The following CNOT4 variants were observed in gnomAD, a reference collection of about 807,000 sequenced individuals.
CNOT4 encodes CCR4-NOT transcription complex subunit 4, also known as CCR4-associated factor 4.
A neutral mutation model predicts 73.8 loss-of-function variants in CNOT4; 8 were observed. The ratio of observed to expected loss-of-function variants is 0.11; its 90% confidence interval spans 0.06 to 0.20. The LOEUF (loss-of-function observed/expected upper bound fraction) is 0.20, where lower values mean the gene tolerates loss of function less well. Among genes scored for constraint, CNOT4 ranks in the 10% least tolerant of loss-of-function variants. The probability of loss-of-function intolerance (pLI) is 1.00; values close to 1 mark genes in which losing one functional copy is unlikely to be tolerated. For missense variants in CNOT4, 564 were observed against 883.4 expected, an observed-to-expected ratio of 0.64 and a Z score of 4.58; for synonymous variants, 293 against 321.1, an observed-to-expected ratio of 0.91 and a Z score of 0.94.
At chr7:135,444,073 A>G (rs1019945878) in intron 1 of CNOT4, among the ~76,000 whole-genome samples, 2 of 151,916 alleles carry the variant, frequency 1.3e-5, no homozygotes, top group African/African-American at 4.8e-5. Context: ...CAGGAGGGAG[A>G]GGCTGCAGTG....
rs1239786744 is a variant in CNOT4 at position 135,362,594 on chromosome 7, T to C, written c.*291A>G. On this transcript the variant is annotated 3_prime_UTR_variant, in exon 12 of 12. Coordinates refer to ENST00000541284, the MANE Select transcript of CNOT4 (RefSeq NM_001190850.2). ...ATGCGCAACAGACAAACAATAATTT[T>C]CTAAGTATTGAGACTGCCCTTTGAT... 1.5e-5 allele frequency: 8 copies of C among 526,784 alleles called. No individual in the cohort carries two copies. Among genetic ancestry groups the C allele is most frequent in the East Asian group, 1.4e-4 (4 of 28,564 alleles). The allele number at this position is 526,784 out of a possible 1,614,324, so 32.6% of individuals were successfully genotyped here. A position where few individuals can be genotyped will look rare whatever the true frequency, so the allele number is the denominator to read the frequency against.
chr7:135,398,204 A>T lies in CNOT4; in HGVS notation c.844T>A (p.Ser282Thr). 6.5e-7 allele frequency: 1 copy of T among 1,544,882 alleles called. No individual in the cohort carries two copies. The highest frequency in any genetic ancestry group is 1.1e-5 in the South Asian group (1 of 89,204). ...YDTPIDKPSD[S>T]LSIGNGDNSQ... The stretch of plus-strand genomic sequence containing the variant: ...TTATCACCGTTCCCTATACTGAGAG[A>T]ATCTGAAGGTTTGTCAATGGGGCTA... Residue 282 changes from serine (S) to threonine (T), a missense_variant, in exon 8 of 12, where the codon TCT (serine) becomes ACT (threonine). By Grantham distance (58) the Ser-to-Thr change is moderately conservative. Transcript: ENST00000541284.
At chr7:135,413,466 A>G in intron 6 of CNOT4, 22 bp downstream of exon 6, 2 of 1,604,802 alleles carry the variant, frequency 1.2e-6, no homozygotes, top group Non-Finnish European at 8.5e-7. Context: ...TGCAAAGTTG[A>G]TAATTCACAT....
At chr7:135,444,551 A>G in intron 1 of CNOT4, 1 of 1,333,100 alleles carries the variant, frequency 7.5e-7, no homozygotes, top group Non-Finnish European at 1.1e-6. Context: ...ATATCTCAGC[A>G]TTTCTTCAGG....
chr7:135,503,703 TG>T (rs1804157140), intron 1 of CNOT4, among the ~76,000 whole-genome samples: 1 of 152,068 alleles, frequency 6.6e-6, no homozygotes, highest in South Asian at 2.1e-4. Context: ...GTAAGAAAAA[TG>T]TGTGCAGAAA....
intron 1 of CNOT4, among the ~76,000 whole-genome samples, chr7:135,466,936 C>T (rs1801259776): frequency 6.6e-6 from 1 of 152,128 alleles, no homozygotes. Context: ...GACATTCACA[C>T]AACAACAAAA....
intron 1 of CNOT4, among the ~76,000 whole-genome samples, chr7:135,504,676 C>T (rs1159449383): frequency 8.4e-6 from 1 of 119,084 alleles, no homozygotes; most frequent in African/African-American, 3.6e-5. Context: ...TTAGTAGAGA[C>T]GGGGTTTCAC....
At chr7:135,393,807 G>A (rs1796526518) in intron 10 of CNOT4, 111 bp downstream of exon 10, 26 of 723,240 alleles carry the variant, frequency 3.6e-5, no homozygotes, top group East Asian at 3.5e-4. Context: ...ATCTTTCATA[G>A]ACATTTCCAA....
In CNOT4 at chr7:135,363,900, C is replaced by T; in HGVS notation, c.1794G>A (p.Leu598=). The change falls in exon 11 of 12, where the codon CTG becomes CTA. Residue 598 remains leucine (L), a synonymous_variant. Coordinates refer to ENST00000541284, the MANE Select transcript of CNOT4 (RefSeq NM_001190850.2). The surrounding 1 kb of genome is among the most constrained non-coding windows in gnomAD (Gnocchi z 4.3). ...PTSNTATTDS[L]SWDSPGSWTD... is the part of the protein sequence containing the mutation. ...TCCAGCTGCCAGGGCTGTCCCAACT[C>T]AGGCTGTCGGTGGTGGCAGTGTTGG... The T allele has an allele frequency of 6.3e-7, 1 of 1,598,330 alleles. No homozygotes were observed. Among genetic ancestry groups the T allele is most frequent in the African/African-American group, 1.3e-5 (1 of 74,976 alleles).
At chr7:135,403,142 CAACAT>C (rs1797091689) in intron 7 of CNOT4, among the ~76,000 whole-genome samples, 1 of 152,084 alleles carries the variant, frequency 6.6e-6, no homozygotes. Flanking sequence ...GGATAAAAGT[CAACAT>C]AACAGACATT....
intron 10 of CNOT4, among the ~76,000 whole-genome samples, chr7:135,380,262 GT>G (rs1375739438): frequency 1.3e-5 from 2 of 152,096 alleles, no homozygotes; most frequent in Non-Finnish European, 2.9e-5. Flanking sequence ...ATTACTATAA[GT>G]TTTTTTCCAT....
intron 4 of CNOT4, among the ~76,000 whole-genome samples, chr7:135,414,895 A>C (rs1417808171): frequency 6.6e-6 from 1 of 152,038 alleles, no homozygotes; most frequent in Non-Finnish European, 1.5e-5. Context: ...TCACTATCGA[A>C]TCCTCATCTA....
At position 135,438,287 on chromosome 7, in the gene CNOT4, A is replaced by C. The variant is rs2129485320; in HGVS notation, c.45T>G (p.Pro15=). The C allele has an allele frequency of 1.2e-6, 2 of 1,613,962 alleles. No individual in the cohort carries two copies. Among genetic ancestry groups the C allele is most frequent in the East Asian group, 4.5e-5 (2 of 44,882 alleles). ...PDAKEDPVEC[P]LCMEPLEIDD... ...CTATCTCCAAGGGCTCCATGCAAAGAGGGCACTCCACAGGGTCTTCCTTCG... is the reference window on the plus strand; with the variant it reads ...CTATCTCCAAGGGCTCCATGCAAAGCGGGCACTCCACAGGGTCTTCCTTCG... The change falls in exon 2 of 12, where the codon CCT becomes CCG. Residue 15 remains proline (P), a synonymous_variant. Coordinates refer to ENST00000541284, the MANE Select transcript of CNOT4 (RefSeq NM_001190850.2).
Position 135,395,555 on chromosome 7 carries a change from C to G in CNOT4, c.1129+79G>C, listed in dbSNP as rs926701539. On this transcript the variant is annotated intron_variant, in intron 9 of 11. Transcript: ENST00000541284. Reference sequence around the variant, plus strand: ...AGAGAGGCAAAAGATAAAAATATATCCACTAATGAGTTTCATGTTAGTCTG... The same window carrying G: ...AGAGAGGCAAAAGATAAAAATATATGCACTAATGAGTTTCATGTTAGTCTG... 4 of 1,424,248 alleles carry G rather than the reference C, an allele frequency of 2.8e-6. No homozygotes were observed. In the African/African-American group the frequency reaches 5.7e-5, roughly 20 times the overall value. 88.2% of individuals were successfully genotyped at this position (1,424,248 alleles called of 1,614,324 possible). A position where few individuals can be genotyped will look rare whatever the true frequency, so the allele number is the denominator to read the frequency against.
chr7:135,416,104 T>C (rs566466379), intron 3 of CNOT4, among the ~76,000 whole-genome samples: 1 of 152,200 alleles, frequency 6.6e-6, no homozygotes, highest in African/African-American at 2.4e-5. Flanking sequence ...TTTCCTAGAA[T>C]GTATCTTTAG....
In CNOT4 at chr7:135,363,288, G is replaced by T; in HGVS notation, c.1841-102C>A. On this transcript the variant is annotated intron_variant, in intron 11 of 11. Coordinates refer to ENST00000541284, the MANE Select transcript of CNOT4 (RefSeq NM_001190850.2). This position sits in a 1 kb window ranked among gnomAD's most constrained non-coding sequence, Gnocchi z 4.3. The stretch of plus-strand genomic sequence containing the variant: ...AGCAAAACCAAAAGGAAAGACAGAA[G>T]AGATTACAATTTTAAACTCCTTCCA... The T allele has an allele frequency of 9.6e-7, 1 of 1,040,460 alleles. No homozygotes were observed. 64.5% of individuals were successfully genotyped at this position (1,040,460 alleles called of 1,614,324 possible).
At position 135,394,361 on chromosome 7, in the gene CNOT4, G is replaced by A; in HGVS notation, c.1184C>T (p.Ser395Phe). 1 of 1,613,910 alleles carries A rather than the reference G, an allele frequency of 6.2e-7. No individual in the cohort carries two copies. The highest frequency in any genetic ancestry group is 8.5e-7 in the Non-Finnish European group (1 of 1,179,800). ...CAAGTCATCCTCTGGTTGTTTAGAA[G>A]AACCAAAGCCAAAAGCTGCTTGCCA... Reference protein sequence around the residue: ...TDWQAAFGFGSSKQPEDDLGF... With the variant: ...TDWQAAFGFGFSKQPEDDLGF... The change falls in exon 10 of 12, where the codon TCT becomes TTT. Residue 395 changes from serine (S) to phenylalanine (F), a missense_variant. Ser to Phe is a radical substitution (Grantham distance 155). Transcript: ENST00000541284.
chr7:135,462,164 C>T (rs1018430593), intron 1 of CNOT4, among the ~76,000 whole-genome samples: 1 of 151,630 alleles, frequency 6.6e-6, no homozygotes, highest in Non-Finnish European at 1.5e-5. Context: ...GTAGATTTGA[C>T]AGGTGTAGGT....
chr7:135,465,402 C>T (rs1801153492), intron 1 of CNOT4, among the ~76,000 whole-genome samples: 2 of 152,074 alleles, frequency 1.3e-5, no homozygotes, highest in South Asian at 4.1e-4. Context: ...AATACAAGTC[C>T]CCTCTTATCC....
Sources: gnomAD v4.1 joint callset for allele counts (sites outside exome capture counted in the v4.1 genomes callset) on GRCh38, gnomAD v4.1.1 for gene constraint, Gnocchi (gnomAD v3.1) non-coding constraint, MANE v1.5 for transcripts, NCBI Gene and HGNC (gene_info 2026-07-23, HGNC 2026-07-21) for gene names.